Variants in LRP5 observed in about 807,000 individuals in gnomAD.
LRP5 encodes LDL receptor related protein 5.
A neutral mutation model predicts 154.1 loss-of-function variants in LRP5; 62 were observed. That is an observed-to-expected ratio of 0.40 (90% CI 0.33 to 0.50). The LOEUF (loss-of-function observed/expected upper bound fraction) is 0.50. Ranked by LOEUF, LRP5 falls within the 20% of genes least tolerant of loss-of-function variation. LRP5 has a pLI of 0.55. For synonymous variants in LRP5, 966 were observed against 1,011.5 expected (o/e 0.96, Z 0.85); for missense variants, 1,915 against 2,336.7 (o/e 0.82, Z 3.72).
intron 18 of LRP5, 91 bp downstream of exon 18, chr11:68,433,929 G>GAGGAGTGA: frequency 7.8e-7 from 1 of 1,274,312 alleles, no homozygotes; most frequent in East Asian, 2.5e-5. Flanking sequence ...ACAGGAGTAG[G>GAGGAGTGA]GGCTCTGAAA....
At chr11:68,317,138 C>T (rs1460357497) in intron 1 of LRP5, among the ~76,000 whole-genome samples, 2 of 152,170 alleles carry the variant, frequency 1.3e-5, no homozygotes, top group Non-Finnish European at 2.9e-5. Context: ...TGGCTTGCTA[C>T]GAGCCGGCCT....
chr11:68,426,061 G>A lies in LRP5; in HGVS notation c.3511G>A (p.Asp1171Asn), dbSNP rs778649315. Residue 1171 changes from aspartate to asparagine, a missense_variant, in exon 16 of 23, where the codon GAC becomes AAC. Physicochemically the swap from Asp to Asn is conservative, Grantham distance 23. This residue lies in a region of LRP5 where 1,094 missense variants were observed against 1,210.1 expected (regional missense o/e 0.90). Coordinates refer to ENST00000294304, the MANE Select transcript of LRP5 (RefSeq NM_002335.4). ...TILGKHLYWI[D>N]RQQQMIERVE... ...CCTTGGCAAGCATCTCTACTGGATC[G>A]ACCGCCAGCAGCAGATGATCGAGCG... 22 of 1,613,504 alleles carry A rather than the reference G, an allele frequency of 1.4e-5. No homozygotes were observed. Among genetic ancestry groups the A allele is most frequent in the East Asian group, 2.2e-5 (1 of 44,898 alleles).
chr11:68,421,724 G>GGT (rs1413329407), intron 13 of LRP5, among the ~76,000 whole-genome samples: 3 of 115,418 alleles, frequency 2.6e-5, no homozygotes, highest in Non-Finnish European at 4.1e-5. Context: ...GTGTGTGTGT[G>GGT]GTGTGTGTGT....
rs1232904744 is a variant in LRP5, at chr11:68,359,684, A to G, written c.686+1837A>G. 2.0e-5 allele frequency among the ~76,000 whole-genome samples: 3 copies of G among 151,652 alleles called. No individual in the cohort carries two copies. In the East Asian group the frequency reaches 5.8e-4, roughly 29 times the overall value. On this transcript the variant is annotated intron_variant, in intron 3 of 22. Transcript: ENST00000294304. The stretch of plus-strand genomic sequence containing the variant: ...GCTATTATGTTTTATTTTTATTTAT[A>G]TTTTTATTGTTTTGAGGCAGGGTCT...
In LRP5 at chr11:68,322,191, G is replaced by T. The variant is rs12286231; in HGVS notation, c.91+9386G>T. ...CTGGAGCCTCCGAGCTGACGTCCAT[G>T]CCTATTCCTCCTGAGCACTGTAGAC... On this transcript the variant is annotated intron_variant, in intron 1 of 22. Transcript: ENST00000294304. Among the ~76,000 whole-genome samples the T allele has an allele frequency of 4.2e-3, 637 of 152,048 alleles. 5 individuals carry two copies. The highest frequency in any genetic ancestry group is 0.015 in the African/African-American group (604 of 41,468).
intron 7 of LRP5, among the ~76,000 whole-genome samples, chr11:68,396,671 T>C (rs1273527391): frequency 6.6e-6 from 1 of 152,166 alleles, no homozygotes; most frequent in African/African-American, 2.4e-5. Flanking sequence ...GCCTTGACTG[T>C]GACAGCTGTC....
intron 21 of LRP5, among the ~76,000 whole-genome samples, chr11:68,442,280 T>G (rs2098678599): frequency 6.6e-6 from 1 of 152,282 alleles, no homozygotes; most frequent in Non-Finnish European, 1.5e-5. Context: ...GACATAAGTG[T>G]TTTTTGTTTG....
chr11:68,331,696 C>G (rs147714859), intron 1 of LRP5, among the ~76,000 whole-genome samples: 1 of 152,160 alleles, frequency 6.6e-6, no homozygotes. Context: ...GTGGTCCCTG[C>G]TCGGGAAACT....
Position 68,393,656 on chromosome 11 carries a change from C to T in LRP5, c.1584+3604C>T, listed in dbSNP as rs554546943. Among the ~76,000 whole-genome samples the T allele has an allele frequency of 4.6e-5, 7 of 152,240 alleles. No individual in the cohort carries two copies. In the East Asian group the frequency reaches 1.3e-3, roughly 29 times the overall value. ...ATTAGCCGGGTGTGGCAGCGGGCGCCTGTAATCCCAGCTACTTGGGAGGCT... is the reference window on the plus strand; with the variant it reads ...ATTAGCCGGGTGTGGCAGCGGGCGCTTGTAATCCCAGCTACTTGGGAGGCT... On this transcript the variant is annotated intron_variant, in intron 7 of 22. Coordinates refer to ENST00000294304, the MANE Select transcript of LRP5 (RefSeq NM_002335.4).
At chr11:68,396,594 G>C (rs1181207432) in intron 7 of LRP5, among the ~76,000 whole-genome samples, 4 of 152,230 alleles carry the variant, frequency 2.6e-5, no homozygotes. Context: ...TGGCATTAGA[G>C]ACGCCCACAA....
rs575021608 is a variant in LRP5 at position 68,440,148 on chromosome 11, T to A, written c.4488+232T>A. Among the ~76,000 whole-genome samples, 33 of 152,234 alleles carry A rather than the reference T, an allele frequency of 2.2e-4. 1 individual carries two copies. The highest frequency in any genetic ancestry group is 7.5e-4 in the African/African-American group (31 of 41,544). On this transcript the variant is annotated intron_variant, in intron 21 of 22. Transcript: ENST00000294304. ...ATAAAGAGCCAAAATCTCACCCAAA[T>A]CCACCTCCTAGAGTGGCTGTTGGGC... is the stretch of plus-strand genomic sequence containing the variant.
At chr11:68,401,389 C>T (rs1189859286) in intron 7 of LRP5, among the ~76,000 whole-genome samples, 2 of 152,222 alleles carry the variant, frequency 1.3e-5, no homozygotes, top group Non-Finnish European at 2.9e-5. Context: ...TAACCATGTT[C>T]CCGCCCGCCT....
intron 13 of LRP5, among the ~76,000 whole-genome samples, chr11:68,419,841 C>T (rs2098664561): frequency 6.6e-6 from 1 of 151,602 alleles, no homozygotes; most frequent in South Asian, 2.1e-4. Context: ...CGTGCCCGGC[C>T]TTTTTTTGTT....
chr11:68,313,107 A>G (rs1486255044), intron 1 of LRP5, among the ~76,000 whole-genome samples: 13 of 147,016 alleles, frequency 8.8e-5, no homozygotes, highest in Admixed American at 7.3e-4. Flanking sequence ...GGAAGCCGGG[A>G]GCCGAGCCGA....
At position 68,436,998 on chromosome 11, in the gene LRP5, T is replaced by C; in HGVS notation, c.4110T>C (p.Cys1370=). 1.2e-6 allele frequency: 2 copies of C among 1,612,832 alleles called. No homozygotes were observed. Among genetic ancestry groups the C allele is most frequent in the South Asian group, 1.1e-5 (1 of 91,082 alleles). The stretch of plus-strand genomic sequence containing the variant: ...TCGACGGCTCCGACGAGCTCATGTG[T>C]GGTGAGCCAGCTTCTGGCACGGGGA... ...DCIDGSDELM[C]EITKPPSDDS... The change falls in exon 19 of 23, where the codon TGT becomes TGC. Residue 1370 remains cysteine, a splice_region_variant and synonymous_variant. Coordinates refer to ENST00000294304, the MANE Select transcript of LRP5 (RefSeq NM_002335.4).
At chr11:68,342,821 C>T (rs530743681) in intron 1 of LRP5, among the ~76,000 whole-genome samples, 1 of 152,324 alleles carries the variant, frequency 6.6e-6, no homozygotes, top group African/African-American at 2.4e-5. Flanking sequence ...TCTGAACAGC[C>T]GAGAGTGTAA....
chr11:68,305,407 C>T, the LRP5 span, among the ~76,000 whole-genome samples: 14 of 152,026 alleles, frequency 9.2e-5, no homozygotes, highest in East Asian at 2.5e-3. Flanking sequence ...CAGTTAACCC[C>T]TTTCTTTATA....
At chr11:68,373,072 G>A (rs947198564) in intron 5 of LRP5, among the ~76,000 whole-genome samples, 1 of 152,144 alleles carries the variant, frequency 6.6e-6, no homozygotes, top group African/African-American at 2.4e-5. Context: ...AGGTTGTGGG[G>A]GGCGGCGCTA....
chr11:68,354,715 C>G (rs544924370), intron 2 of LRP5, among the ~76,000 whole-genome samples: 5 of 152,354 alleles, frequency 3.3e-5, no homozygotes, highest in African/African-American at 9.6e-5. Flanking sequence ...TCAGCAGACA[C>G]CAAGTGTGTT....
Sources: gnomAD v4.1 joint callset for allele counts (sites outside exome capture counted in the v4.1 genomes callset) on GRCh38, gnomAD v4.1.1 for gene constraint, gnomAD v4.1.1 regional missense constraint, MANE v1.5 for transcripts, NCBI Gene and HGNC (gene_info 2026-07-23, HGNC 2026-07-21) for gene names.